Variants in ATR observed in about 807,000 individuals in gnomAD.
The protein encoded by ATR is ATR checkpoint kinase.
Under a neutral mutation model 305.3 loss-of-function variants are expected in ATR, and 142 were observed. The observed-to-expected ratio is 0.47, with a 90% CI of 0.41 to 0.53. ATR has a LOEUF of 0.53. Among genes scored for constraint, ATR ranks in the 20% least tolerant of loss-of-function variants. The pLI is 0.00. For missense variants in ATR, 2,135 were observed against 3,133.1 expected, an observed-to-expected ratio of 0.68 and a Z score of 7.60; for synonymous variants, 1,050 against 1,068.1, an observed-to-expected ratio of 0.98 and a Z score of 0.33.
At position 142,550,280 on chromosome 3, in the gene ATR, G is replaced by C; in HGVS notation, c.2828C>G (p.Ser943Cys). ...ATTCGGAAGTGCTGTCATCTGACTA[G>C]AGTGAAGGGATTCTACCAAAAACTA... ...ICQFLVESLH[S>C]SQMTALPNTP... The change falls in exon 14 of 47, where the codon TCT (serine) becomes TGT (cysteine). Residue 943 changes from serine to cysteine, a missense_variant. By Grantham distance (112) the Ser-to-Cys change is moderately radical. Around this residue, in one of 9 missense-constraint regions of ATR, gnomAD observed 530 missense variants for 766.8 expected, o/e 0.69. Coordinates refer to ENST00000350721, the MANE Select transcript of ATR (RefSeq NM_001184.4). 1 of 1,614,142 alleles carries C rather than the reference G, an allele frequency of 6.2e-7. No individual in the cohort carries two copies. Among genetic ancestry groups the C allele is most frequent in the Non-Finnish European group, 8.5e-7 (1 of 1,180,006 alleles).
rs867904439 is a variant in ATR, at chr3:142,541,330, T to A, written c.3451-296A>T. Among the ~76,000 whole-genome samples, 4 of 152,338 alleles carry A rather than the reference T, an allele frequency of 2.6e-5. No individual in the cohort carries two copies. In the Middle Eastern group the frequency reaches 0.01, roughly 389 times the overall value. On this transcript the variant is annotated intron_variant, in intron 17 of 46. Transcript: ENST00000350721. ...TACAATTTCTAATTTATTAAAGGTA[T>A]AATGCATATTGTTTAATTTCTTTCA... is the stretch of plus-strand genomic sequence containing the variant.
chr3:142,481,826 A>AT (rs1266717660), intron 36 of ATR, among the ~76,000 whole-genome samples: 7 of 150,622 alleles, frequency 4.6e-5, no homozygotes, highest in African/African-American at 1.7e-4. Flanking sequence ...TGATTTATTT[A>AT]TTTATTTTTT....
At chr3:142,501,069 T>C (rs1249766088) in intron 30 of ATR, among the ~76,000 whole-genome samples, 1 of 152,176 alleles carries the variant, frequency 6.6e-6, no homozygotes, top group Non-Finnish European at 1.5e-5. Flanking sequence ...GGAAAAATAT[T>C]TGTTTAATGC....
chr3:142,499,285 A>G, intron 31 of ATR: 2 of 311,852 alleles, frequency 6.4e-6, no homozygotes, highest in Non-Finnish European at 1.2e-5. Flanking sequence ...TTTATGTCAT[A>G]TTAAAACCGC....
chr3:142,576,172 T>C (rs761002110), intron 1 of ATR, among the ~76,000 whole-genome samples: 5 of 152,332 alleles, frequency 3.3e-5, no homozygotes, highest in African/African-American at 4.8e-5. Flanking sequence ...AACTAACTTA[T>C]GGATTATTAA....
intron 13 of ATR, 57 bp from the exon 14 acceptor site, chr3:142,550,359 T>C: frequency 2.4e-5 from 37 of 1,561,282 alleles, no homozygotes; most frequent in Non-Finnish European, 3.2e-5. Context: ...TTTTAACTAA[T>C]ACTTTTTAAG....
At chr3:142,456,566 T>TGGGTGACA (rs2070913324) in intron 45 of ATR, among the ~76,000 whole-genome samples, 1 of 151,036 alleles carries the variant, frequency 6.6e-6, no homozygotes, top group African/African-American at 2.4e-5. Context: ...AGCGAAACCC[T>TGGGTGACA]GTCTCAAAGG....
At chr3:142,526,254 T>C (rs1269487606) in intron 21 of ATR, among the ~76,000 whole-genome samples, 1 of 152,192 alleles carries the variant, frequency 6.6e-6, no homozygotes, top group Non-Finnish European at 1.5e-5. Context: ...GTTTTATCAG[T>C]AATTCTCTAT....
chr3:142,539,957 C>T (rs1257213569), intron 18 of ATR, among the ~76,000 whole-genome samples: 2 of 152,234 alleles, frequency 1.3e-5, no homozygotes, highest in Non-Finnish European at 2.9e-5. Flanking sequence ...GTTGATAAAA[C>T]CTACTGTCTA....
At chr3:142,534,244 A>G (rs938723000) in intron 21 of ATR, among the ~76,000 whole-genome samples, 4 of 152,116 alleles carry the variant, frequency 2.6e-5, no homozygotes, top group African/African-American at 9.7e-5. Flanking sequence ...ATGCACATCT[A>G]TAGTCAGGAA....
At chr3:142,470,298 A>G in intron 36 of ATR, 115 bp from the exon 37 acceptor site, 1 of 890,056 alleles carries the variant, frequency 1.1e-6, no homozygotes, top group South Asian at 1.6e-5. Context: ...TTATGGTATC[A>G]ATATTTCTTC....
At chr3:142,570,965 C>T (rs2035240062) in intron 1 of ATR, among the ~76,000 whole-genome samples, 2 of 152,082 alleles carry the variant, frequency 1.3e-5, no homozygotes. Flanking sequence ...ACCTAAGCAA[C>T]CAATTCTTGA....
chr3:142,499,239 A>G, intron 31 of ATR: 1 of 328,344 alleles, frequency 3.0e-6, no homozygotes, highest in Non-Finnish European at 5.9e-6. Context: ...CTAAGATATT[A>G]AGTATGAATG....
rs1293859758 is a variant in ATR at position 142,498,977 on chromosome 3, C to A, written c.5381-203G>T. Reference sequence around the variant, plus strand: ...CTCACTGCAGCCTTGAACTTCTGGGCTCCAGTGATCCTCCCACCTCAGTCT... The same window carrying A: ...CTCACTGCAGCCTTGAACTTCTGGGATCCAGTGATCCTCCCACCTCAGTCT... On this transcript the variant is annotated intron_variant, in intron 31 of 46. Coordinates refer to ENST00000350721, the MANE Select transcript of ATR (RefSeq NM_001184.4). Among the ~76,000 whole-genome samples the A allele has an allele frequency of 2.0e-5, 3 of 151,748 alleles. No individual in the cohort carries two copies. In the East Asian group the frequency reaches 5.8e-4, roughly 30 times the overall value.
Position 142,562,942 on chromosome 3 carries a change from C to CA in ATR, c.459dup (p.Glu154Ter). On this transcript the variant is annotated frameshift_variant, in exon 4 of 47. Transcript: ENST00000350721. LOFTEE classifies it high-confidence loss of function. ...CTTCTATGGAGGTAAACCAAGTCTT[C>CA]AAAAAGTTGTAATAATTCTTTTGTG... 1 of 1,612,698 alleles carries CA rather than the reference C, an allele frequency of 6.2e-7. No individual in the cohort carries two copies. The highest frequency in any genetic ancestry group is 8.5e-7 in the Non-Finnish European group (1 of 1,179,638).
chr3:142,461,123 T>C (rs1421876189), intron 42 of ATR, among the ~76,000 whole-genome samples: 1 of 152,108 alleles, frequency 6.6e-6, no homozygotes, highest in East Asian at 1.9e-4. Context: ...ACCAGTTATA[T>C]TTATATTTCT....
At chr3:142,521,525 G>A (rs567181267) in intron 23 of ATR, among the ~76,000 whole-genome samples, 3 of 152,242 alleles carry the variant, frequency 2.0e-5, no homozygotes, top group Admixed American at 6.5e-5. Flanking sequence ...AAACCTTCTG[G>A]AAAGAATTCA....
chr3:142,522,330 A>C (rs138421040), intron 23 of ATR, among the ~76,000 whole-genome samples: 29 of 152,332 alleles, frequency 1.9e-4, no homozygotes, highest in Non-Finnish European at 3.8e-4. Context: ...TGCTTTATAG[A>C]GATACTTGCT....
At chr3:142,451,664 C>G in intron 46 of ATR, 1 of 1,211,838 alleles carries the variant, frequency 8.3e-7, no homozygotes, top group Non-Finnish European at 1.0e-6. Flanking sequence ...ACAGCAGCCT[C>G]CAACTCCTGG....
Sources: allele counts gnomAD v4.1 joint callset (sites outside exome capture counted in the v4.1 genomes callset), GRCh38; gene constraint gnomAD v4.1.1; regional missense constraint gnomAD v4.1.1; transcripts MANE v1.5; gene names NCBI Gene and HGNC (gene_info 2026-07-23, HGNC 2026-07-21).